Variants in CCSER1 observed in about 807,000 individuals in gnomAD.
The protein encoded by CCSER1 is coiled-coil serine rich protein 1.
CCSER1 carries 41 observed loss-of-function variants against 82.0 expected under a neutral mutation model. The observed-to-expected ratio is 0.50, with a 90% CI of 0.39 to 0.65. The LOEUF (loss-of-function observed/expected upper bound fraction) is 0.65, where lower values mean the gene tolerates loss of function less well. Ranked by LOEUF, CCSER1 falls within the 30% of genes least tolerant of loss-of-function variation. CCSER1 has a pLI of 0.00. For missense variants in CCSER1, 1,119 were observed against 1,064.2 expected (o/e 1.05, Z -0.72); for synonymous variants, 414 against 383.9 (o/e 1.08, Z -0.92).
chr4:91,444,517 T>C (rs2149410960), intron 10 of CCSER1, among the ~76,000 whole-genome samples: 1 of 152,082 alleles, frequency 6.6e-6, no homozygotes, highest in Middle Eastern at 3.4e-3. Flanking sequence ...TGGCACCATC[T>C]CGGCTCACTG....
At chr4:90,268,181 G>A (rs1015149160) in intron 1 of CCSER1, among the ~76,000 whole-genome samples, 13 of 152,208 alleles carry the variant, frequency 8.5e-5, no homozygotes, top group African/African-American at 2.9e-4. Context: ...AGAAAATAAT[G>A]TTAATGAGCA....
At chr4:90,989,234 G>A (rs369048531) in intron 9 of CCSER1, among the ~76,000 whole-genome samples, 2 of 151,626 alleles carry the variant, frequency 1.3e-5, no homozygotes, top group Non-Finnish European at 2.9e-5. Flanking sequence ...CTGCGTGTTT[G>A]GGCCTTTCAG....
At chr4:90,425,559 C>G (rs1369298088) in intron 4 of CCSER1, among the ~76,000 whole-genome samples, 29 of 152,278 alleles carry the variant, frequency 1.9e-4, no homozygotes, top group South Asian at 2.1e-4. Flanking sequence ...AGAGAATTTT[C>G]TCAACAAAAG....
intron 9 of CCSER1, among the ~76,000 whole-genome samples, chr4:91,035,258 T>G (rs1337323985): frequency 6.6e-6 from 1 of 152,114 alleles, no homozygotes; most frequent in Non-Finnish European, 1.5e-5. Flanking sequence ...ATTTCAGATC[T>G]AGGATCCCCC....
At chr4:90,702,873 A>G (rs901079125) in intron 6 of CCSER1, among the ~76,000 whole-genome samples, 13 of 151,760 alleles carry the variant, frequency 8.6e-5, no homozygotes, top group African/African-American at 2.7e-4. Context: ...TTTCTTCTTT[A>G]TTAGTCTTGC....
At chr4:90,333,750 C>T (rs1210615513) in intron 3 of CCSER1, among the ~76,000 whole-genome samples, 2 of 152,106 alleles carry the variant, frequency 1.3e-5, no homozygotes, top group Non-Finnish European at 2.9e-5. Flanking sequence ...AAAACCTGCA[C>T]AATAGTAAAT....
chr4:91,084,426 C>T (rs1322780263), intron 9 of CCSER1, among the ~76,000 whole-genome samples: 6 of 152,016 alleles, frequency 3.9e-5, no homozygotes, highest in Non-Finnish European at 2.9e-5. Flanking sequence ...TATCATTTTT[C>T]AGTCACAAAA....
chr4:90,991,051 C>CT (rs1401751536), intron 9 of CCSER1, among the ~76,000 whole-genome samples: 1 of 151,800 alleles, frequency 6.6e-6, no homozygotes, highest in Non-Finnish European at 1.5e-5. Context: ...CAGGAATTGC[C>CT]TTTTTAACAC....
In CCSER1 at chr4:90,379,900, G is replaced by C. The variant is rs548937458; in HGVS notation, c.1510-20136G>C. Among the ~76,000 whole-genome samples the C allele has an allele frequency of 2.2e-4, 34 of 152,212 alleles. 1 individual carries two copies. Among genetic ancestry groups the C allele is most frequent in the Middle Eastern group, 3.4e-3 (1 of 294 alleles). On this transcript the variant is annotated intron_variant, in intron 3 of 10. Coordinates refer to ENST00000509176, the MANE Select transcript of CCSER1 (RefSeq NM_001145065.2). ...TTCCAACCATGGCAGAAGGCAAAGG[G>C]GGAACAAGATGTCTCACATGGCAGG...
chr4:90,558,000 A>G (rs1778329367), intron 5 of CCSER1, among the ~76,000 whole-genome samples: 1 of 152,176 alleles, frequency 6.6e-6, no homozygotes, highest in East Asian at 1.9e-4. Flanking sequence ...CAATGGTAAT[A>G]TAGGGTTTAT....
intron 9 of CCSER1, among the ~76,000 whole-genome samples, chr4:90,975,915 A>G (rs1334366051): frequency 1.3e-5 from 2 of 151,246 alleles, no homozygotes; most frequent in African/African-American, 2.4e-5. Context: ...AAGCTCTAGA[A>G]TGTTAAATGA....
chr4:91,094,006 A>T (rs1463200638), intron 10 of CCSER1, among the ~76,000 whole-genome samples: 6 of 152,154 alleles, frequency 3.9e-5, no homozygotes, highest in Non-Finnish European at 8.8e-5. Flanking sequence ...TCTCTTTCCG[A>T]ATAGTGAATC....
chr4:91,443,862 A>T (rs1755379544), intron 10 of CCSER1, among the ~76,000 whole-genome samples: 2 of 151,460 alleles, frequency 1.3e-5, no homozygotes, highest in South Asian at 4.1e-4. Context: ...AGAATAATTT[A>T]TTTGTCCAAA....
intron 7 of CCSER1, among the ~76,000 whole-genome samples, chr4:90,808,391 G>T (rs1757797176): frequency 6.6e-6 from 1 of 152,052 alleles, no homozygotes; most frequent in Non-Finnish European, 1.5e-5. Context: ...ATAAATAAAT[G>T]AGACCTAATT....
At chr4:90,891,732 T>C (rs1449594038) in intron 8 of CCSER1, among the ~76,000 whole-genome samples, 1 of 152,082 alleles carries the variant, frequency 6.6e-6, no homozygotes, top group Non-Finnish European at 1.5e-5. Context: ...TTCCTTGAAT[T>C]CAACCTAAGA....
At chr4:90,462,442 A>T (rs1357651353) in intron 4 of CCSER1, among the ~76,000 whole-genome samples, 1 of 152,194 alleles carries the variant, frequency 6.6e-6, no homozygotes, top group Non-Finnish European at 1.5e-5. Context: ...CATCCAGGTT[A>T]CCTAGGATAA....
chr4:91,088,372 G>C (rs981580018), intron 10 of CCSER1, among the ~76,000 whole-genome samples: 1 of 152,068 alleles, frequency 6.6e-6, no homozygotes, highest in Non-Finnish European at 1.5e-5. Flanking sequence ...AATGAAAACA[G>C]AGTATTCATA....
chr4:90,203,386 C>G (rs1007213308), intron 1 of CCSER1, among the ~76,000 whole-genome samples: 1 of 152,108 alleles, frequency 6.6e-6, no homozygotes, highest in Non-Finnish European at 1.5e-5. Context: ...GTGATGTTCC[C>G]CTCCCTGTGT....
intron 10 of CCSER1, among the ~76,000 whole-genome samples, chr4:91,182,473 G>T (rs889894804): frequency 1.3e-5 from 2 of 152,158 alleles, no homozygotes; most frequent in African/African-American, 4.8e-5. Context: ...GCTAGATTCA[G>T]TTGCATCTGC....
Sources: gnomAD v4.1 joint callset for allele counts (sites outside exome capture counted in the v4.1 genomes callset) on GRCh38, gnomAD v4.1.1 for gene constraint, MANE v1.5 for transcripts, NCBI Gene and HGNC (gene_info 2026-07-23, HGNC 2026-07-21) for gene names.